RALYL: variants seen among roughly 807,000 people sequenced by gnomAD.
RALYL encodes RALY RNA binding protein like, also known as RNA-binding Raly-like protein.
RALYL carries 29 observed loss-of-function variants against 35.1 expected under a neutral mutation model. The observed-to-expected ratio is 0.83, with a 90% CI of 0.61 to 1.13. The LOEUF is 1.13. Among genes scored for constraint, RALYL ranks in the 50% most tolerant of loss-of-function variants. The pLI is 0.00. For synonymous variants in RALYL, 120 were observed against 127.6 expected (o/e 0.94, Z 0.40); for missense variants, 359 against 360.4 (o/e 1.00, Z 0.03).
intron 1 of RALYL, among the ~76,000 whole-genome samples, chr8:84,425,787 G>A (rs867246314): frequency 0.049 from 6,834 of 138,946 alleles, 189 homozygotes; most frequent in Middle Eastern, 0.059. Context: ...TTTCTTCTGT[G>A]TGTGTGTGTG....
chr8:84,788,644 A>G (rs1199197912), intron 3 of RALYL, among the ~76,000 whole-genome samples: 1 of 152,156 alleles, frequency 6.6e-6, no homozygotes, highest in Non-Finnish European at 1.5e-5. Context: ...CTAAAAGGGC[A>G]ACTTCATTAA....
intron 1 of RALYL, among the ~76,000 whole-genome samples, chr8:84,280,515 T>C (rs1047279982): frequency 6.6e-6 from 1 of 151,918 alleles, no homozygotes; most frequent in Non-Finnish European, 1.5e-5. Context: ...ATTTAGGGAG[T>C]TGAAAAATTT....
intron 1 of RALYL, among the ~76,000 whole-genome samples, chr8:84,339,483 T>C (rs77403446): frequency 0.025 from 3,740 of 152,002 alleles, 97 homozygotes; most frequent in Non-Finnish European, 0.031. Context: ...GTCTCCCAGA[T>C]GGGACCATCT....
At chr8:84,577,664 A>T (rs1809789623) in intron 2 of RALYL, among the ~76,000 whole-genome samples, 1 of 152,124 alleles carries the variant, frequency 6.6e-6, no homozygotes, top group South Asian at 2.1e-4. Context: ...TATTGTACTT[A>T]TTGCATTTTG....
chr8:84,385,981 C>T (rs1003785215), intron 1 of RALYL, among the ~76,000 whole-genome samples: 7 of 151,790 alleles, frequency 4.6e-5, no homozygotes, highest in Non-Finnish European at 8.8e-5. Flanking sequence ...ATATTTCACC[C>T]TGACAACTTT....
chr8:84,435,555 G>A (rs575299099), intron 1 of RALYL, among the ~76,000 whole-genome samples: 43 of 152,114 alleles, frequency 2.8e-4, no homozygotes, highest in African/African-American at 9.2e-4. Context: ...ACTGTAAGTC[G>A]GTGATGTTCC....
intron 2 of RALYL, among the ~76,000 whole-genome samples, chr8:84,560,288 GAA>G (rs2061395577): frequency 6.6e-6 from 1 of 151,792 alleles, no homozygotes; most frequent in African/African-American, 2.4e-5. Context: ...TAAACAATAG[GAA>G]AAGAGACAAT....
intron 1 of RALYL, among the ~76,000 whole-genome samples, chr8:84,239,908 TAAATAA>T (rs550102819): frequency 6.6e-6 from 1 of 151,932 alleles, no homozygotes; most frequent in African/African-American, 2.4e-5. Context: ...TAAATAAAAA[TAAATAA>T]AAATAAAAAT....
intron 1 of RALYL, among the ~76,000 whole-genome samples, chr8:84,500,721 A>G (rs1168517086): frequency 6.6e-6 from 1 of 152,180 alleles, no homozygotes; most frequent in African/African-American, 2.4e-5. Context: ...GTGTAATCAT[A>G]TTAGAATAAT....
intron 4 of RALYL, among the ~76,000 whole-genome samples, chr8:84,806,565 C>CAA (rs534568702): frequency 1.3e-4 from 12 of 95,722 alleles, no homozygotes; most frequent in African/African-American, 3.7e-4. Context: ...AAAATCTCTC[C>CAA]AAAAAAAAAA....
chr8:84,540,781 A>G (rs933063157), intron 2 of RALYL, among the ~76,000 whole-genome samples: 1 of 152,016 alleles, frequency 6.6e-6, no homozygotes, highest in Non-Finnish European at 1.5e-5. Flanking sequence ...AATGATGCCA[A>G]TTGGGTCTGG....
At chr8:84,225,166 AG>A (rs1319589946) in intron 1 of RALYL, among the ~76,000 whole-genome samples, 2 of 152,170 alleles carry the variant, frequency 1.3e-5, no homozygotes, top group Non-Finnish European at 2.9e-5. Context: ...CTGATACAGA[AG>A]CCTTAAGATT....
chr8:84,845,755 T>G (rs1430386872), intron 4 of RALYL, among the ~76,000 whole-genome samples: 1 of 152,198 alleles, frequency 6.6e-6, no homozygotes, highest in Non-Finnish European at 1.5e-5. Context: ...CTAGGTTTTC[T>G]TCTAAGATTT....
intron 1 of RALYL, among the ~76,000 whole-genome samples, chr8:84,486,009 C>CTTT (rs3043836): frequency 3.2e-4 from 34 of 104,932 alleles, no homozygotes; most frequent in Non-Finnish European, 4.4e-4. Context: ...AAATCAAAAG[C>CTTT]TTTTTTTTTT....
intron 2 of RALYL, among the ~76,000 whole-genome samples, chr8:84,622,737 C>T (rs1459622781): frequency 1.3e-5 from 2 of 152,022 alleles, no homozygotes; most frequent in Non-Finnish European, 2.9e-5. Flanking sequence ...TCATAAAGTC[C>T]TGTGGATTAT....
At chr8:84,210,139 C>T (rs115130002) in intron 1 of RALYL, among the ~76,000 whole-genome samples, 2,930 of 152,142 alleles carry the variant, frequency 0.019, 96 homozygotes, top group African/African-American at 0.066. Context: ...TTTTGAAATG[C>T]ACCCTACTTC....
chr8:84,637,259 G>T (rs1825258765), intron 2 of RALYL, among the ~76,000 whole-genome samples: 1 of 151,818 alleles, frequency 6.6e-6, no homozygotes, highest in South Asian at 2.1e-4. Flanking sequence ...GGACAGTTTT[G>T]CCCTTTCAAA....
chr8:84,451,799 C>G (rs1404191756), intron 1 of RALYL, among the ~76,000 whole-genome samples: 1 of 151,978 alleles, frequency 6.6e-6, no homozygotes, highest in Non-Finnish European at 1.5e-5. Context: ...AGAGTTTATA[C>G]CTAGCATCTT....
At chr8:84,906,123 G>A (rs1004175323) in intron 8 of RALYL, among the ~76,000 whole-genome samples, 4 of 152,098 alleles carry the variant, frequency 2.6e-5, no homozygotes, top group African/African-American at 9.7e-5. Flanking sequence ...TGTAAATGCT[G>A]ACCTCTCACT....
Sources: allele counts gnomAD v4.1 joint callset (sites outside exome capture counted in the v4.1 genomes callset), GRCh38; gene constraint gnomAD v4.1.1; transcripts MANE v1.5; gene names NCBI Gene and HGNC (gene_info 2026-07-23, HGNC 2026-07-21).